FAM151B: variants seen among roughly 807,000 people sequenced by gnomAD.
FAM151B encodes protein FAM151B.
Under a neutral mutation model 31.2 loss-of-function variants are expected in FAM151B, and 24 were observed. The observed-to-expected ratio is 0.77, with a 90% confidence interval of 0.56 to 1.08. The LOEUF (loss-of-function observed/expected upper bound fraction) is 1.08, where lower values mean the gene tolerates loss of function less well. Ranked by LOEUF, FAM151B falls within the 50% of genes least tolerant of loss-of-function variation. The pLI is 0.00. For missense variants in FAM151B, 293 were observed against 328.6 expected (o/e 0.89, Z 0.84); for synonymous variants, 105 against 111.4 (o/e 0.94, Z 0.36).
At position 80,513,599 on chromosome 5, in the gene FAM151B, G is replaced by T; in HGVS notation, c.152-5G>T. 1 of 1,608,142 alleles carries T rather than the reference G, an allele frequency of 6.2e-7. No individual in the cohort carries two copies. The highest frequency in any genetic ancestry group is 8.5e-7 in the Non-Finnish European group (1 of 1,178,454). ...GCATTAACTGAAGTTCTTTTATTTG[G>T]ACAGGTACTGCTCACATGATAGAGG... On this transcript the variant is annotated splice_region_variant and splice_polypyrimidine_tract_variant and intron_variant, in intron 2 of 5. Transcript: ENST00000282226.
chr5:80,534,277 T>C (rs1016752768), intron 5 of FAM151B, among the ~76,000 whole-genome samples: 4 of 151,864 alleles, frequency 2.6e-5, no homozygotes, highest in African/African-American at 9.7e-5. Flanking sequence ...ATTACCCTGA[T>C]ACCAAAAACA....
chr5:80,540,892 A>C (rs1745853993), intron 5 of FAM151B, among the ~76,000 whole-genome samples: 1 of 152,210 alleles, frequency 6.6e-6, no homozygotes, highest in East Asian at 1.9e-4. Flanking sequence ...TTGGTTAGGC[A>C]GTTATTTCTT....
At chr5:80,520,600 G>A (rs1228881214) in intron 4 of FAM151B, among the ~76,000 whole-genome samples, 2 of 148,002 alleles carry the variant, frequency 1.4e-5, no homozygotes, top group Non-Finnish European at 1.5e-5. Flanking sequence ...AGCCAAGATC[G>A]TGCCACTGTA....
chr5:80,494,456 TTTTCTTTCTTTCTTTCTTTCTTTC>T (rs3043120), intron 1 of FAM151B, among the ~76,000 whole-genome samples: 29 of 82,748 alleles, frequency 3.5e-4, no homozygotes, highest in African/African-American at 8.3e-4. Context: ...TCTTTCTTTC[TTTTCTTTCTTTCTTTCTTTCTTTC>T]TTTCTTTCTT....
intron 5 of FAM151B, among the ~76,000 whole-genome samples, chr5:80,528,415 A>C (rs1745068526): frequency 6.6e-6 from 1 of 152,062 alleles, no homozygotes; most frequent in Admixed American, 6.6e-5. Flanking sequence ...TAAAAGTCAG[A>C]GTGACTGAAT....
intron 1 of FAM151B, chr5:80,498,877 C>A (rs1268798253): frequency 5.6e-6 from 2 of 354,942 alleles, no homozygotes; most frequent in South Asian, 2.9e-5. Context: ...CTTTGCTGAT[C>A]AGGAGGAATT....
rs1561383616 is a variant in FAM151B, at chr5:80,538,454, CTTTCTTTCTT to C, written c.672-3217_672-3208del. Reference sequence around the variant, plus strand: ...TTTCTTTCTTTCTTTCTTTCTCTTTCTTTCTTTCTTTCTTTCTTTCTTTCTTTCTTTCCTT... The same window carrying C: ...TTTCTTTCTTTCTTTCTTTCTCTTTCTCTTTCTTTCTTTCTTTCTTTCCTT... On this transcript the variant is annotated intron_variant, in intron 5 of 5. Transcript: ENST00000282226. Among the ~76,000 whole-genome samples, 99 of 62,956 alleles carry C rather than the reference CTTTCTTTCTT, an allele frequency of 1.6e-3. 1 individual carries two copies. The highest frequency in any genetic ancestry group is 4.2e-3 in the African/African-American group (72 of 16,966). 41.3% of individuals were successfully genotyped at this position (62,956 alleles called of 152,430 possible).
chr5:80,490,759 T>C (rs1411360172), intron 1 of FAM151B, among the ~76,000 whole-genome samples: 1 of 152,222 alleles, frequency 6.6e-6, no homozygotes, highest in Admixed American at 6.5e-5. Flanking sequence ...TTCCTTTTTA[T>C]GGCCAAAAAA....
chr5:80,515,275 C>T (rs1744384166), intron 3 of FAM151B, among the ~76,000 whole-genome samples: 1 of 149,470 alleles, frequency 6.7e-6, no homozygotes, highest in Non-Finnish European at 1.5e-5. Flanking sequence ...AATAAAAAAT[C>T]ATAAACTTTT....
At chr5:80,519,946 A>G in intron 4 of FAM151B, 36 bp downstream of exon 4, 1 of 1,564,074 alleles carries the variant, frequency 6.4e-7, no homozygotes, top group Non-Finnish European at 8.8e-7. Flanking sequence ...TGGTCAAATT[A>G]AAATATCCTC....
At chr5:80,535,198 G>A (rs72763591) in intron 5 of FAM151B, among the ~76,000 whole-genome samples, 1 of 152,294 alleles carries the variant, frequency 6.6e-6, no homozygotes, top group Non-Finnish European at 1.5e-5. Context: ...TAGATTCAAT[G>A]CAGTCCCTAT....
At chr5:80,519,394 C>T (rs1744601510) in intron 3 of FAM151B, among the ~76,000 whole-genome samples, 1 of 152,202 alleles carries the variant, frequency 6.6e-6, no homozygotes, top group South Asian at 2.1e-4. Context: ...ACTGTTTTCA[C>T]ACCAAGTGAT....
intron 1 of FAM151B, among the ~76,000 whole-genome samples, chr5:80,489,662 C>T (rs927156124): frequency 2.8e-4 from 43 of 152,212 alleles, no homozygotes; most frequent in African/African-American, 9.9e-4. Flanking sequence ...CGGTGACTCA[C>T]GCCCGTAATC....
At chr5:80,513,819 C>T in intron 3 of FAM151B, 50 bp downstream of exon 3, 1 of 1,507,826 alleles carries the variant, frequency 6.6e-7, no homozygotes, top group South Asian at 1.3e-5. Context: ...AATAGCTGTG[C>T]CTGACTACCT....
intron 5 of FAM151B, among the ~76,000 whole-genome samples, chr5:80,535,028 C>G (rs920910058): frequency 2.0e-5 from 3 of 151,994 alleles, no homozygotes; most frequent in African/African-American, 4.8e-5. Context: ...AAATTAACTA[C>G]CTAGGAATTA....
At chr5:80,539,610 G>A (rs1745776199) in intron 5 of FAM151B, among the ~76,000 whole-genome samples, 1 of 152,032 alleles carries the variant, frequency 6.6e-6, no homozygotes, top group South Asian at 2.1e-4. Context: ...CTGTACCTCA[G>A]CCTCCCGAGT....
intron 5 of FAM151B, among the ~76,000 whole-genome samples, chr5:80,534,539 T>C (rs547509394): frequency 6.6e-6 from 1 of 152,120 alleles, no homozygotes; most frequent in East Asian, 1.9e-4. Context: ...TGAAAAAACA[T>C]TGGGTAAAAT....
intron 5 of FAM151B, among the ~76,000 whole-genome samples, chr5:80,536,573 T>TA (rs1326215821): frequency 6.6e-6 from 1 of 152,194 alleles, no homozygotes; most frequent in Admixed American, 6.5e-5. Flanking sequence ...GAAATCAGTG[T>TA]ATCGGAGAGA....
At chr5:80,507,095 G>A (rs1743993826) in intron 2 of FAM151B, among the ~76,000 whole-genome samples, 1 of 148,500 alleles carries the variant, frequency 6.7e-6, no homozygotes, top group Non-Finnish European at 1.5e-5. Context: ...CTCCAGCCTG[G>A]GTAACAGGGT....
Sources: gnomAD v4.1 joint callset for allele counts (sites outside exome capture counted in the v4.1 genomes callset) on GRCh38, gnomAD v4.1.1 for gene constraint, MANE v1.5 for transcripts, NCBI Gene and HGNC (gene_info 2026-07-23, HGNC 2026-07-21) for gene names.